Variants in NCAM1 observed in about 807,000 individuals in gnomAD.
NCAM1 encodes the protein antigen recognized by monoclonal antibody 5.1H11.
NCAM1 carries 14 observed loss-of-function variants against 109.8 expected under a neutral mutation model. The observed-to-expected ratio is 0.13, with a 90% CI of 0.08 to 0.20. The LOEUF (loss-of-function observed/expected upper bound fraction) is 0.20. Ranked by LOEUF, NCAM1 falls within the 10% of genes least tolerant of loss-of-function variation. NCAM1 has a pLI of 1.00. For missense variants in NCAM1, 774 were observed against 1,109.9 expected (o/e 0.70, Z 4.30); for synonymous variants, 418 against 442.9 (o/e 0.94, Z 0.70).
At chr11:112,964,466 T>C (rs1387230217) in intron 1 of NCAM1, among the ~76,000 whole-genome samples, 2 of 152,216 alleles carry the variant, frequency 1.3e-5, no homozygotes, top group East Asian at 3.8e-4. Context: ...CTTCTGCCAG[T>C]TAAACTTGCA....
At chr11:113,102,625 C>T (rs1463183737) in intron 1 of NCAM1, among the ~76,000 whole-genome samples, 1 of 152,126 alleles carries the variant, frequency 6.6e-6, no homozygotes, top group Non-Finnish European at 1.5e-5. Flanking sequence ...CTGTTTGCAA[C>T]TTGGTATTTA....
At chr11:113,161,498 TC>T (rs1942600897) in intron 1 of NCAM1, among the ~76,000 whole-genome samples, 2 of 152,220 alleles carry the variant, frequency 1.3e-5, no homozygotes, top group African/African-American at 2.4e-5. Context: ...ATACATGGGC[TC>T]CCTTATCCTG....
At chr11:113,095,525 C>T (rs1555090199) in intron 1 of NCAM1, among the ~76,000 whole-genome samples, 1 of 152,232 alleles carries the variant, frequency 6.6e-6, no homozygotes, top group East Asian at 1.9e-4. Flanking sequence ...AAGGCACTGG[C>T]TCCTCCCAGG....
chr11:113,134,268 G>A (rs1451369038), intron 1 of NCAM1, among the ~76,000 whole-genome samples: 1 of 152,116 alleles, frequency 6.6e-6, no homozygotes, highest in Non-Finnish European at 1.5e-5. Flanking sequence ...ATTTTACGTA[G>A]CATAATAGCC....
At chr11:113,251,553 A>G (rs1426404046) in intron 15 of NCAM1, among the ~76,000 whole-genome samples, 4 of 152,174 alleles carry the variant, frequency 2.6e-5, no homozygotes, top group African/African-American at 9.7e-5. Flanking sequence ...GAACTGCACA[A>G]TACTTTATAT....
chr11:113,037,785 T>G (rs1449174436), intron 1 of NCAM1, among the ~76,000 whole-genome samples: 1 of 152,250 alleles, frequency 6.6e-6, no homozygotes, highest in African/African-American at 2.4e-5. Context: ...CTGGTCCTCA[T>G]GTTGACATGT....
At chr11:113,021,686 T>C (rs1952389613) in intron 1 of NCAM1, among the ~76,000 whole-genome samples, 1 of 152,212 alleles carries the variant, frequency 6.6e-6, no homozygotes, top group Non-Finnish European at 1.5e-5. Flanking sequence ...GATTTTCCCA[T>C]TGTCATGTCA....
chr11:113,110,557 A>G (rs7483995), intron 1 of NCAM1, among the ~76,000 whole-genome samples: 12 of 152,228 alleles, frequency 7.9e-5, no homozygotes, highest in Non-Finnish European at 1.6e-4. Flanking sequence ...ATACAAATGT[A>G]TATTTTCACT....
chr11:113,218,678 A>G (rs150777127), intron 8 of NCAM1, among the ~76,000 whole-genome samples: 326 of 152,320 alleles, frequency 2.1e-3, no homozygotes, highest in Non-Finnish European at 3.7e-3. Flanking sequence ...ACCATTACCA[A>G]TCTGTTAAGC....
intron 1 of NCAM1, among the ~76,000 whole-genome samples, chr11:113,006,317 G>A (rs1314374161): frequency 6.6e-6 from 1 of 152,082 alleles, no homozygotes; most frequent in East Asian, 1.9e-4. Flanking sequence ...GTGGTAAGGG[G>A]AATCCTACAC....
At position 113,003,810 on chromosome 11, in the gene NCAM1, G is replaced by T. The variant is rs574575575; in HGVS notation, c.52+42146G>T. 3 of 152,348 alleles carry T rather than the reference G, an allele frequency of 2.0e-5. No individual in the cohort carries two copies. The South Asian group carries it at 6.2e-4, about 32-fold the overall frequency. The allele number at this position is 152,348 out of a possible 1,614,324, so 9.4% of individuals were successfully genotyped here. ...CTTTGAGATCTTTGCAATGATCGGG[G>T]AAGGGGCAGTGGTTTTGGCACGGGC... On this transcript the variant is annotated intron_variant, in intron 1 of 19. Coordinates refer to ENST00000316851, the MANE Select transcript of NCAM1 (RefSeq NM_181351.5).
At position 113,275,493 on chromosome 11, in the gene NCAM1, C is replaced by A; in HGVS notation, c.*106C>A. On this transcript the variant is annotated 3_prime_UTR_variant, in exon 20 of 20. Coordinates refer to ENST00000316851, the MANE Select transcript of NCAM1 (RefSeq NM_181351.5). ...ACACACGCACGCACACACACAAACA[C>A]ACATGCACACACACACATCTCATTT... 1 of 1,301,982 alleles carries A rather than the reference C, an allele frequency of 7.7e-7. No homozygotes were observed. Among genetic ancestry groups the A allele is most frequent in the Non-Finnish European group, 1.1e-6 (1 of 945,150 alleles). 80.7% of individuals were successfully genotyped at this position (1,301,982 alleles called of 1,614,324 possible).
At chr11:113,193,661 GA>G (rs1384266357) in intron 1 of NCAM1, among the ~76,000 whole-genome samples, 1 of 150,582 alleles carries the variant, frequency 6.6e-6, no homozygotes, top group East Asian at 1.9e-4. Flanking sequence ...GGAAGAAAAA[GA>G]AAAAAAGAAA....
At chr11:113,202,728 C>T (rs1555112122) in intron 2 of NCAM1, among the ~76,000 whole-genome samples, 2 of 152,194 alleles carry the variant, frequency 1.3e-5, no homozygotes, top group African/African-American at 4.8e-5. Context: ...GCACAACTTC[C>T]AGAATAGTGA....
intron 1 of NCAM1, among the ~76,000 whole-genome samples, chr11:113,118,099 C>A (rs1940788648): frequency 6.6e-6 from 1 of 151,838 alleles, no homozygotes; most frequent in Non-Finnish European, 1.5e-5. Context: ...TTAAATAACC[C>A]ACTATAAATA....
chr11:113,227,180 A>G (rs1282032551), intron 9 of NCAM1, among the ~76,000 whole-genome samples: 2 of 152,124 alleles, frequency 1.3e-5, no homozygotes, highest in Non-Finnish European at 2.9e-5. Context: ...TTGACAGACC[A>G]CTAGCAAGAC....
intron 1 of NCAM1, among the ~76,000 whole-genome samples, chr11:113,032,519 G>C (rs564069721): frequency 6.6e-6 from 1 of 152,228 alleles, no homozygotes; most frequent in African/African-American, 2.4e-5. Flanking sequence ...ATTGCTGTAC[G>C]TCTATCCATA....
At chr11:113,025,796 A>AGAGAGAGAGAGAGAGAGAGAGT (rs1952524497) in intron 1 of NCAM1, among the ~76,000 whole-genome samples, 2 of 51,994 alleles carry the variant, frequency 3.8e-5, no homozygotes, top group Admixed American at 3.3e-4. Flanking sequence ...AGAGAGAGAG[A>AGAGAGAGAGAGAGAGAGAGAGT]GAGAGAGAGA....
intron 2 of NCAM1, among the ~76,000 whole-genome samples, chr11:113,203,335 C>T (rs1555112242): frequency 1.3e-5 from 2 of 152,132 alleles, no homozygotes; most frequent in Admixed American, 6.5e-5. Flanking sequence ...GAGACGCAGC[C>T]GTGGAGCCCA....
Sources: allele counts gnomAD v4.1 joint callset (sites outside exome capture counted in the v4.1 genomes callset), GRCh38; gene constraint gnomAD v4.1.1; transcripts MANE v1.5; gene names NCBI Gene and HGNC (gene_info 2026-07-23, HGNC 2026-07-21).